The following AVEN variants were observed in gnomAD, a reference collection of about 807,000 sequenced individuals.
AVEN encodes apoptosis and caspase activation inhibitor, also known as cell death regulator Aven.
AVEN carries 41 observed loss-of-function variants against 38.1 expected under a neutral mutation model. That is an observed-to-expected ratio of 1.08 (90% CI 0.84 to 1.40). The LOEUF (loss-of-function observed/expected upper bound fraction) is 1.40, where lower values mean the gene tolerates loss of function less well. Ranked by LOEUF, AVEN falls within the 40% of genes most tolerant of loss-of-function variation. The pLI is 0.00. For synonymous variants in AVEN, 206 were observed against 171.8 expected (o/e 1.20, Z -1.56); for missense variants, 605 against 438.8 (o/e 1.38, Z -3.38).
At chr15:34,043,183 C>T (rs2140809074), upstream of AVEN, among the ~76,000 whole-genome samples, 1 of 150,568 alleles carries the variant, frequency 6.6e-6, no homozygotes, top group African/African-American at 2.4e-5. Flanking sequence ...GGAGGCAGAG[C>T]TTGCAGTGAG....
chr15:34,043,654 G>C (rs1285333894), upstream of AVEN, among the ~76,000 whole-genome samples: 1 of 152,084 alleles, frequency 6.6e-6, no homozygotes, highest in Non-Finnish European at 1.5e-5. Context: ...AAGTCATAAG[G>C]GTACTTTGAC....
At chr15:34,062,607 TG>T in intron 5 of AVEN, 1 of 880,348 alleles carries the variant, frequency 1.1e-6, no homozygotes, top group Non-Finnish European at 1.7e-6. Flanking sequence ...AAAATCATGC[TG>T]GTGTGCGAAG....
downstream of AVEN, chr15:33,854,702 A>T: frequency 1.3e-6 from 2 of 1,535,270 alleles, no homozygotes. Flanking sequence ...ATAAGAAAAA[A>T]TGTTTTATAA....
At chr15:34,008,483 C>CTTTTT (rs200355232) in intron 1 of AVEN, among the ~76,000 whole-genome samples, 3 of 119,234 alleles carry the variant, frequency 2.5e-5, no homozygotes, top group African/African-American at 1.3e-4. Flanking sequence ...GATGAAAAAC[C>CTTTTT]TTTTTTTTTT....
At chr15:33,853,459 T>C in the AVEN span, 11 of 1,436,550 alleles carry the variant, frequency 7.7e-6, no homozygotes, top group Non-Finnish European at 1.0e-5. Context: ...CCTTGGAAGA[T>C]TGCCCATAGG....
rs1897340741 is a variant in AVEN at position 34,006,324 on chromosome 15, A to AG, written c.268-3116_268-3115insC. 2.0e-5 allele frequency among the ~76,000 whole-genome samples: 3 copies of AG among 151,966 alleles called. No individual in the cohort carries two copies. In the South Asian group the frequency reaches 6.3e-4, roughly 32 times the overall value. On this transcript the variant is annotated intron_variant, in intron 1 of 5. Coordinates refer to ENST00000306730, the MANE Select transcript of AVEN (RefSeq NM_020371.3). ...AGACTCCGTCTCAAAAAAAAAAAAA[A>AG]CAGCCTTGTAACTGATGAGAATTTG...
At chr15:33,946,495 A>C (rs1316117655) in intron 2 of AVEN, among the ~76,000 whole-genome samples, 1 of 152,196 alleles carries the variant, frequency 6.6e-6, no homozygotes, top group Non-Finnish European at 1.5e-5. Flanking sequence ...AGATGCCCAG[A>C]AATCTCCAAG....
intron 1 of AVEN, among the ~76,000 whole-genome samples, chr15:34,017,161 C>T (rs896475885): frequency 6.6e-6 from 1 of 151,958 alleles, no homozygotes; most frequent in Non-Finnish European, 1.5e-5. Flanking sequence ...TTTGACAAAG[C>T]TTCTCACCTA....
chr15:33,854,438 T>G, downstream of AVEN: 1 of 1,574,450 alleles, frequency 6.4e-7, no homozygotes, highest in Non-Finnish European at 8.6e-7. Context: ...TGGAGTTGTT[T>G]TTACTGACAA....
At chr15:33,954,912 C>G (rs1047209778) in intron 2 of AVEN, among the ~76,000 whole-genome samples, 1 of 152,024 alleles carries the variant, frequency 6.6e-6, no homozygotes, top group Non-Finnish European at 1.5e-5. Context: ...GATTTTCTAC[C>G]CAGAAAAGTC....
Position 34,030,404 on chromosome 15 carries a change from G to C in AVEN, c.267+8376C>G, listed in dbSNP as rs1345584544. 1.7e-4 allele frequency among the ~76,000 whole-genome samples: 25 copies of C among 151,270 alleles called. 1 individual carries two copies. Among genetic ancestry groups the C allele is most frequent in the Admixed American group, 1.6e-3 (25 of 15,220 alleles). Reference sequence around the variant, plus strand: ...TCTGTCGCCCAGGCTGGAGTGCAGTGGCGCAATCTCGCTTCACTGCAAGCT... The same window carrying C: ...TCTGTCGCCCAGGCTGGAGTGCAGTCGCGCAATCTCGCTTCACTGCAAGCT... On this transcript the variant is annotated intron_variant, in intron 1 of 5. Coordinates refer to ENST00000306730, the MANE Select transcript of AVEN (RefSeq NM_020371.3).
intron 2 of AVEN, among the ~76,000 whole-genome samples, chr15:33,894,361 A>AT (rs1321515487): frequency 6.6e-6 from 1 of 152,046 alleles, no homozygotes; most frequent in African/African-American, 2.4e-5. Flanking sequence ...CTGCAGCTAC[A>AT]TAACAGGAAG....
chr15:34,033,044 T>C (rs1898936384), intron 1 of AVEN, among the ~76,000 whole-genome samples: 1 of 152,172 alleles, frequency 6.6e-6, no homozygotes, highest in East Asian at 1.9e-4. Context: ...CATCTACCTA[T>C]TTATGTGAAC....
chr15:34,048,725 GTCCCTGA>G (rs1372431693), intron 5 of AVEN, among the ~76,000 whole-genome samples: 1 of 152,206 alleles, frequency 6.6e-6, no homozygotes, highest in Non-Finnish European at 1.5e-5. Flanking sequence ...CTTTAAGTGG[GTCCCTGA>G]TCCCATTCCT....
At chr15:33,973,391 C>A (rs899491685) in intron 2 of AVEN, among the ~76,000 whole-genome samples, 2 of 152,180 alleles carry the variant, frequency 1.3e-5, no homozygotes, top group Non-Finnish European at 2.9e-5. Context: ...CTTAATATTT[C>A]ATCAACTGTA....
chr15:34,001,999 C>G (rs1043264548), intron 2 of AVEN, among the ~76,000 whole-genome samples: 10 of 152,200 alleles, frequency 6.6e-5, no homozygotes, highest in Non-Finnish European at 1.2e-4. Context: ...AATTATTTAG[C>G]GACGTAATTG....
Position 34,053,299 on chromosome 15 carries a change from C to CAA in AVEN, n.1637+9621_1637+9622dup, listed in dbSNP as rs71454513. The stretch of plus-strand genomic sequence containing the variant: ...TGGGTGACAGAGTGAGACTCCATCT[C>CAA]AAAAAAAAAAAAAAAAAAAAATATA... On this transcript the variant is annotated intron_variant and non_coding_transcript_variant, in intron 5 of 11. Transcript: ENST00000675287. 9.9e-3 allele frequency among the ~76,000 whole-genome samples: 511 copies of CAA among 51,506 alleles called. 26 individuals carry two copies. Among genetic ancestry groups the CAA allele is most frequent in the Non-Finnish European group, 0.013 (388 of 30,984 alleles). The allele number at this position is 51,506 out of a possible 152,430, so 33.8% of individuals were successfully genotyped here.
chr15:33,852,932 C>G, the AVEN span: 1 of 866,930 alleles, frequency 1.2e-6, no homozygotes, highest in Non-Finnish European at 1.9e-6. Flanking sequence ...CTTTGGTGAG[C>G]AGGACACAAA....
chr15:33,891,324 T>G (rs1000035772), intron 2 of AVEN, among the ~76,000 whole-genome samples: 2 of 152,160 alleles, frequency 1.3e-5, no homozygotes. Flanking sequence ...TGTTGGTTTG[T>G]TGCACCCATT....
Sources: allele counts gnomAD v4.1 joint callset (sites outside exome capture counted in the v4.1 genomes callset), GRCh38; gene constraint gnomAD v4.1.1; transcripts MANE v1.5; gene names NCBI Gene and HGNC (gene_info 2026-07-23, HGNC 2026-07-21).